Variants in C16orf96 observed in about 807,000 individuals in gnomAD.
C16orf96 encodes the protein chromosome 16 open reading frame 96.
Under a neutral mutation model 103.6 loss-of-function variants are expected in C16orf96, and 108 were observed. The ratio of observed to expected loss-of-function variants is 1.04; its 90% CI spans 0.89 to 1.22. C16orf96 has a LOEUF of 1.22. C16orf96 is among the 50% of genes most tolerant of loss of function. C16orf96 has a pLI of 0.00. For synonymous variants in C16orf96, 566 were observed against 593.5 expected (o/e 0.95, Z 0.67); for missense variants, 1,586 against 1,464.2 (o/e 1.08, Z -1.36).
At chr16:4,579,304 A>G (rs1442198857) in intron 6 of C16orf96, among the ~76,000 whole-genome samples, 11 of 151,860 alleles carry the variant, frequency 7.2e-5, no homozygotes, top group Non-Finnish European at 1.6e-4. Flanking sequence ...TGTAATCCCA[A>G]CGCTTTACAA....
At position 4,593,297 on chromosome 16, in the gene C16orf96, T is replaced by C. The variant is rs1257985096; in HGVS notation, c.2848T>C (p.Leu950=). The C allele has an allele frequency of 1.3e-6, 2 of 1,550,814 alleles. No individual in the cohort carries two copies. Among genetic ancestry groups the C allele is most frequent in the Non-Finnish European group, 1.7e-6 (2 of 1,146,828 alleles). Residue 950 remains leucine (L), a synonymous_variant, in exon 12 of 16, where the codon TTG becomes CTG. Transcript: ENST00000444310. This position sits in a 1 kb window ranked among gnomAD's most constrained non-coding sequence, Gnocchi z 4.2. ...AGCCAGCGCCAACAGCTGCGAGTAC[T>C]TGCAGCGGCAACAGATGAGGTGAGC... ...RPASANSCEY[L]QRQQMREQQW...
intron 1 of C16orf96, among the ~76,000 whole-genome samples, chr16:4,564,560 C>G (rs2059367597): frequency 1.3e-5 from 2 of 152,168 alleles, no homozygotes; most frequent in Non-Finnish European, 2.9e-5. Context: ...CCTATGATCC[C>G]AGCACTTTGG....
At chr16:4,552,599 TTGGA>T (rs2059235116), upstream of C16orf96, among the ~76,000 whole-genome samples, 1 of 152,134 alleles carries the variant, frequency 6.6e-6, no homozygotes, top group Non-Finnish European at 1.5e-5. Context: ...TATGCGATAG[TTGGA>T]TGGGAATTTT....
the C16orf96 span, among the ~76,000 whole-genome samples, chr16:4,547,575 G>C: frequency 1.4e-4 from 21 of 152,090 alleles, no homozygotes; most frequent in African/African-American, 4.8e-4. Context: ...AATGGGTACA[G>C]GTTTTCTCCT....
intron 15 of C16orf96, among the ~76,000 whole-genome samples, chr16:4,599,649 G>A (rs1220596578): frequency 6.6e-6 from 1 of 152,208 alleles, no homozygotes; most frequent in Non-Finnish European, 1.5e-5. Context: ...GGATCACCAC[G>A]TAGCAGGCAC....
chr16:4,589,586 T>A (rs1897009505), intron 9 of C16orf96, among the ~76,000 whole-genome samples: 1 of 141,696 alleles, frequency 7.1e-6, no homozygotes. Flanking sequence ...GCACTCAGAG[T>A]GAAACCCTAT....
chr16:4,592,638 A>G (rs546659334), intron 11 of C16orf96, among the ~76,000 whole-genome samples: 2 of 152,328 alleles, frequency 1.3e-5, no homozygotes, highest in South Asian at 4.1e-4. Flanking sequence ...ATCCACATTC[A>G]TATACAGGGT....
rs576969119 is a variant in C16orf96, at chr16:4,564,623, C to T, written c.421-6938C>T. The stretch of plus-strand genomic sequence containing the variant: ...CTCAGGAGTTCCAGGCCAGCCTGGC[C>T]GATGTGGCAAAACCTTGTCTTTACT... On this transcript the variant is annotated intron_variant, in intron 1 of 15. Transcript: ENST00000444310. Among the ~76,000 whole-genome samples, 6 of 152,204 alleles carry T rather than the reference C, an allele frequency of 3.9e-5. 1 individual carries two copies. Among genetic ancestry groups the T allele is most frequent in the South Asian group, 2.1e-4 (1 of 4,818 alleles).
the C16orf96 span, among the ~76,000 whole-genome samples, chr16:4,551,151 G>A: frequency 6.6e-6 from 1 of 152,170 alleles, no homozygotes; most frequent in East Asian, 1.9e-4. Context: ...GCACACCTAT[G>A]GTTTTAGCTA....
intron 1 of C16orf96, among the ~76,000 whole-genome samples, chr16:4,571,328 G>A (rs1195377360): frequency 6.6e-6 from 1 of 152,150 alleles, no homozygotes; most frequent in Non-Finnish European, 1.5e-5. Flanking sequence ...AGTAACTCCT[G>A]GTTTCTGGAT....
rs141972868 is a variant in C16orf96 at position 4,557,500 on chromosome 16, T to C, written c.420+591T>C. ...ACAGAAAGCAGTGGTTGCCAGGGGC[T>C]TGGAGGAGGAGAGAATGGGGAGTAA... On this transcript the variant is annotated intron_variant, in intron 1 of 15. Coordinates refer to ENST00000444310, the MANE Select transcript of C16orf96 (RefSeq NM_001145011.2). 2.4e-3 allele frequency among the ~76,000 whole-genome samples: 363 copies of C among 152,206 alleles called. 3 individuals carry two copies. Among genetic ancestry groups the C allele is most frequent in the African/African-American group, 8.0e-3 (331 of 41,538 alleles).
At chr16:4,581,694 A>G (rs1014836655) in intron 7 of C16orf96, among the ~76,000 whole-genome samples, 5 of 152,112 alleles carry the variant, frequency 3.3e-5, no homozygotes, top group Admixed American at 3.3e-4. Flanking sequence ...CTGTGATCCT[A>G]GTACTTTGGG....
Position 4,594,708 on chromosome 16 carries a change from A to T in C16orf96, c.3032A>T (p.Glu1011Val), listed in dbSNP as rs1897133890. 1 of 1,551,072 alleles carries T rather than the reference A, an allele frequency of 6.4e-7. No individual in the cohort carries two copies. Residue 1011 changes from glutamate (E) to valine (V), a missense_variant, in exon 14 of 16, where the codon GAG becomes GTG. By Grantham distance (121) the Glu-to-Val change is moderately radical (BLOSUM62 -2). Transcript: ENST00000444310. ...DPHVIDYDSA[E>V]VDILGVDGIL... ...GGGACCTGGGCCATCCAACAGGCCGAGGTGGACATCCTGGGCGTGGATGGG... is the reference window on the plus strand; with the variant it reads ...GGGACCTGGGCCATCCAACAGGCCGTGGTGGACATCCTGGGCGTGGATGGG...
the C16orf96 span, among the ~76,000 whole-genome samples, chr16:4,547,935 C>T: frequency 3.9e-5 from 6 of 151,958 alleles, no homozygotes; most frequent in East Asian, 3.9e-4. Context: ...CCACTGCACC[C>T]GGCTGAGTTT....
At chr16:4,567,480 G>T (rs1429787500) in intron 1 of C16orf96, among the ~76,000 whole-genome samples, 1 of 150,216 alleles carries the variant, frequency 6.7e-6, no homozygotes, top group Non-Finnish European at 1.5e-5. Context: ...TAGAGACGGG[G>T]TTTCACCGTG....
rs535629951 is a variant in C16orf96 at position 4,565,490 on chromosome 16, G to A, written c.421-6071G>A. On this transcript the variant is annotated intron_variant, in intron 1 of 15. Transcript: ENST00000444310. ...TGTAGTAAGCTGAGATGGCACCACT[G>A]CAATCTCCACGCAAGATGCAGGGAG... Among the ~76,000 whole-genome samples the A allele has an allele frequency of 1.5e-4, 23 of 152,268 alleles. No homozygotes were observed. In the South Asian group the frequency reaches 4.4e-3, roughly 29 times the overall value.
In C16orf96 at chr16:4,594,811, G is replaced by T. The variant is rs1350755172; in HGVS notation, c.3127+8G>T. 1.9e-6 allele frequency: 3 copies of T among 1,549,394 alleles called. No homozygotes were observed. Among genetic ancestry groups the T allele is most frequent in the Non-Finnish European group, 2.6e-6 (3 of 1,146,722 alleles). ...TCGCAAAGGAGCTGGCAGGTGAGGG[G>T]CGTAGGGCTCCCTGGGGCACCCTTG... On this transcript the variant is annotated splice_region_variant and intron_variant, in intron 14 of 15. Coordinates refer to ENST00000444310, the MANE Select transcript of C16orf96 (RefSeq NM_001145011.2).
chr16:4,588,319 C>T lies in C16orf96; in HGVS notation c.2580C>T (p.Asp860=), dbSNP rs536467707. ...WKKAMEELSK[D]VNTKLVHSDL... is the part of the protein sequence containing the mutation. ...AGGCTATGGAGGAGCTCAGCAAGGA[C>T]GTGAACACCAAGGTGAATGCCCCCA... The change falls in exon 9 of 16, where the codon GAC becomes GAT. Residue 860 remains aspartate (D), a synonymous_variant. Coordinates refer to ENST00000444310, the MANE Select transcript of C16orf96 (RefSeq NM_001145011.2). 97 of 1,550,230 alleles carry T rather than the reference C, an allele frequency of 6.3e-5. No homozygotes were observed. In the East Asian group the frequency reaches 1.8e-3, roughly 29 times the overall value.
chr16:4,566,649 CT>C (rs924913102), intron 1 of C16orf96, among the ~76,000 whole-genome samples: 1 of 152,154 alleles, frequency 6.6e-6, no homozygotes, highest in East Asian at 1.9e-4. Context: ...TTGCTGGTGT[CT>C]TTTGAAGCAC....
Sources: gnomAD v4.1 joint callset for allele counts (sites outside exome capture counted in the v4.1 genomes callset) on GRCh38, gnomAD v4.1.1 for gene constraint, Gnocchi (gnomAD v3.1) non-coding constraint, MANE v1.5 for transcripts, NCBI Gene and HGNC (gene_info 2026-07-23, HGNC 2026-07-21) for gene names.